The following NRXN1 variants were observed in gnomAD, a reference collection of about 807,000 sequenced individuals.
NRXN1 encodes the protein neurexin-1.
In NRXN1, 39 loss-of-function variants were observed where a neutral mutation model predicts 150.9. The observed-to-expected ratio is 0.26, with a 90% CI of 0.20 to 0.34. The LOEUF is 0.34. NRXN1 is among the 10% of genes least tolerant of loss of function. The probability of loss-of-function intolerance (pLI) is 1.00; values close to 1 mark genes in which losing one functional copy is unlikely to be tolerated. For missense variants in NRXN1, 1,815 were observed against 1,949.9 expected (o/e 0.93, Z 1.30); for synonymous variants, 924 against 757.0 (o/e 1.22, Z -3.62).
intron 5 of NRXN1, among the ~76,000 whole-genome samples, chr2:50,707,415 T>A (rs1694589908): frequency 6.6e-6 from 1 of 152,206 alleles, no homozygotes; most frequent in South Asian, 2.1e-4. Context: ...GGTAGAAATG[T>A]GAGTTATGTT....
intron 5 of NRXN1, among the ~76,000 whole-genome samples, chr2:50,915,802 G>A (rs1404219619): frequency 2.0e-5 from 3 of 150,802 alleles, no homozygotes; most frequent in Non-Finnish European, 3.0e-5. Context: ...TTAATAAAAA[G>A]CCTCCTCTAT....
chr2:50,463,029 T>G (rs191260033), intron 17 of NRXN1, among the ~76,000 whole-genome samples: 3 of 151,768 alleles, frequency 2.0e-5, no homozygotes, highest in East Asian at 1.9e-4. Context: ...ACAGAATTTA[T>G]GAAAAAATAA....
At position 50,346,463 on chromosome 2, in the gene NRXN1, C is replaced by T. The variant is rs909428256; in HGVS notation, c.3365-109493G>A. ...TGTCCACATCTCTCTCCCAGTACCT[C>T]GACAAGGAACGCCCCTCCCACCCCT... On this transcript the variant is annotated intron_variant, in intron 17 of 22. Coordinates refer to ENST00000401669, the MANE Select transcript of NRXN1 (RefSeq NM_001330078.2). The surrounding 1 kb of genome is among the most constrained non-coding windows in gnomAD (Gnocchi z 5.0). Among the ~76,000 whole-genome samples the T allele has an allele frequency of 2.0e-5, 3 of 152,036 alleles. No individual in the cohort carries two copies. The highest frequency in any genetic ancestry group is 6.5e-5 in the Admixed American group (1 of 15,268).
chr2:50,895,887 G>C (rs934877748), intron 5 of NRXN1, among the ~76,000 whole-genome samples: 1 of 151,774 alleles, frequency 6.6e-6, no homozygotes, highest in East Asian at 1.9e-4. Flanking sequence ...GCCTATGCAA[G>C]AAATTTTATG....
chr2:50,123,587 AG>A (rs1452741050), intron 18 of NRXN1, among the ~76,000 whole-genome samples: 1 of 152,202 alleles, frequency 6.6e-6, no homozygotes, highest in Non-Finnish European at 1.5e-5. Flanking sequence ...TCATTCTCAG[AG>A]TCTTTGGGAA....
intron 12 of NRXN1, among the ~76,000 whole-genome samples, chr2:50,507,937 C>T (rs1035747698): frequency 4.6e-5 from 7 of 150,822 alleles, no homozygotes; most frequent in South Asian, 2.1e-4. Flanking sequence ...CCAATTAATG[C>T]CCAAGGATCA....
At chr2:50,863,276 G>C (rs901349798) in intron 5 of NRXN1, among the ~76,000 whole-genome samples, 3 of 152,028 alleles carry the variant, frequency 2.0e-5, no homozygotes, top group Non-Finnish European at 2.9e-5. Flanking sequence ...TTATCAAAAA[G>C]AGCTCTAGTT....
Position 49,921,847 on chromosome 2 carries a change from G to T in NRXN1, c.*97C>A. The T allele has an allele frequency of 1.6e-6, 2 of 1,217,072 alleles. No homozygotes were observed. The highest frequency in any genetic ancestry group is 2.3e-6 in the Non-Finnish European group (2 of 855,994). 75.4% of individuals were successfully genotyped at this position (1,217,072 alleles called of 1,614,324 possible). On this transcript the variant is annotated 3_prime_UTR_variant, in exon 23 of 23. Transcript: ENST00000401669. ...CTGATTGCATTCCCTGTCTTCTTTT[G>T]TATGTGCTTCATAAAAAGGAAAGTA...
intron 2 of NRXN1, among the ~76,000 whole-genome samples, chr2:51,004,538 G>A (rs554500986): frequency 2.0e-5 from 3 of 151,996 alleles, no homozygotes; most frequent in South Asian, 2.1e-4. Flanking sequence ...GCATTTGTAG[G>A]AGGCTGAGAC....
intron 2 of NRXN1, among the ~76,000 whole-genome samples, chr2:51,015,577 T>A (rs141066144): frequency 1.5e-3 from 223 of 152,058 alleles, no homozygotes; most frequent in African/African-American, 5.2e-3. Context: ...TTCTAACTCC[T>A]GAAGCTCTAC....
chr2:50,415,543 T>C (rs575009754), intron 17 of NRXN1, among the ~76,000 whole-genome samples: 3 of 152,206 alleles, frequency 2.0e-5, no homozygotes, highest in African/African-American at 4.8e-5. Flanking sequence ...GAAGCATGGA[T>C]AATGATTTGA....
At chr2:50,644,824 A>T (rs1413921947) in intron 5 of NRXN1, among the ~76,000 whole-genome samples, 1 of 144,028 alleles carries the variant, frequency 6.9e-6, no homozygotes, top group Non-Finnish European at 1.5e-5. Context: ...ATGAATATAA[A>T]CATTCAGGTA....
At chr2:50,500,616 C>T (rs747191615) in intron 13 of NRXN1, among the ~76,000 whole-genome samples, 1 of 152,096 alleles carries the variant, frequency 6.6e-6, no homozygotes, top group African/African-American at 2.4e-5. Context: ...TTTAAAAATG[C>T]ACCATCCAAG....
rs1558537105 is a variant in NRXN1 at position 50,329,659 on chromosome 2, ATATATATATATATATT to A, written c.3365-92705_3365-92690del. Among the ~76,000 whole-genome samples the A allele has an allele frequency of 3.5e-3, 78 of 22,150 alleles. 5 individuals carry two copies. The highest frequency in any genetic ancestry group is 0.014 in the Admixed American group (18 of 1,304). 14.5% of individuals were successfully genotyped at this position (22,150 alleles called of 152,430 possible). Reference sequence around the variant, plus strand: ...TATATATATATATATATATATATATATATATATATATATATTTTTTTTTTTCCCCCCCGAGACGGAG... The same window carrying A: ...TATATATATATATATATATATATATATTTTTTTTTCCCCCCCGAGACGGAG... On this transcript the variant is annotated intron_variant, in intron 17 of 22. Coordinates refer to ENST00000401669, the MANE Select transcript of NRXN1 (RefSeq NM_001330078.2).
intron 5 of NRXN1, among the ~76,000 whole-genome samples, chr2:50,754,305 A>G (rs762384425): frequency 1.4e-4 from 22 of 151,822 alleles, no homozygotes; most frequent in Non-Finnish European, 3.2e-4. Context: ...TCCTCTTATT[A>G]TTTATTGAAC....
chr2:50,862,144 G>T (rs1432187036), intron 5 of NRXN1, among the ~76,000 whole-genome samples: 1 of 151,196 alleles, frequency 6.6e-6, no homozygotes, highest in Non-Finnish European at 1.5e-5. Context: ...AGAGGTTTCA[G>T]TGAGCAGAGA....
chr2:50,472,550 G>C, intron 15 of NRXN1, 79 bp from the exon 16 acceptor site: 2 of 1,122,046 alleles, frequency 1.8e-6, no homozygotes, highest in Non-Finnish European at 2.5e-6. Context: ...AGAAAAAACA[G>C]GGAGGTTTAT....
intron 17 of NRXN1, among the ~76,000 whole-genome samples, chr2:50,277,883 A>C (rs1232179718): frequency 6.6e-6 from 1 of 151,942 alleles, no homozygotes. Context: ...TTGATCAGAA[A>C]TATGTATTTA....
intron 12 of NRXN1, among the ~76,000 whole-genome samples, chr2:50,512,722 C>G (rs1343855822): frequency 6.6e-6 from 1 of 152,114 alleles, no homozygotes; most frequent in Non-Finnish European, 1.5e-5. Flanking sequence ...GGTAAACATT[C>G]TTTGACCTTT....
Sources: gnomAD v4.1 joint callset for allele counts (sites outside exome capture counted in the v4.1 genomes callset) on GRCh38, gnomAD v4.1.1 for gene constraint, Gnocchi (gnomAD v3.1) non-coding constraint, MANE v1.5 for transcripts, NCBI Gene and HGNC (gene_info 2026-07-23, HGNC 2026-07-21) for gene names.